Variants in WARS2 observed in about 807,000 individuals in gnomAD.
WARS2 encodes tryptophanyl tRNA synthetase 2, mitochondrial.
WARS2 carries 28 observed loss-of-function variants against 36.5 expected under a neutral mutation model. The ratio of observed to expected loss-of-function variants is 0.77; its 90% CI spans 0.57 to 1.05. The LOEUF (loss-of-function observed/expected upper bound fraction) is 1.05, where lower values mean the gene tolerates loss of function less well. Among genes scored for constraint, WARS2 ranks in the 50% least tolerant of loss-of-function variants. The pLI is 0.00. For synonymous variants in WARS2, 174 were observed against 178.4 expected, an observed-to-expected ratio of 0.98 and a Z score of 0.20; for missense variants, 435 against 456.8, an observed-to-expected ratio of 0.95 and a Z score of 0.44.
At chr1:119,125,137 C>T (rs1001318012) in intron 1 of WARS2, among the ~76,000 whole-genome samples, 3 of 152,202 alleles carry the variant, frequency 2.0e-5, no homozygotes, top group African/African-American at 7.2e-5. Context: ...TGCAGCCATA[C>T]TGGCCTCTAT....
rs1648728608 is a variant in WARS2 at position 119,045,615 on chromosome 1, T to A, written c.396A>T (p.Arg132Ser). 6.3e-7 allele frequency: 1 copy of A among 1,595,536 alleles called. No homozygotes were observed. The change falls in exon 3 of 6, where the codon AGA becomes AGT. Residue 132 changes from arginine (R) to serine (S), a missense_variant. By Grantham distance (110) the Arg-to-Ser change is moderately radical (BLOSUM62 -1). Transcript: ENST00000235521. ...QLSWILSCMV[R>S]LPRLQHLHQW... is the part of the protein sequence containing the mutation. ...GATGTAAATGTTGTAATCGAGGTAGTCTGACCATGCAGGAAAGGATCCAAC... is the reference window on the plus strand; with the variant it reads ...GATGTAAATGTTGTAATCGAGGTAGACTGACCATGCAGGAAAGGATCCAAC...
intron 2 of WARS2, among the ~76,000 whole-genome samples, chr1:119,075,376 A>C (rs1312908784): frequency 6.6e-6 from 1 of 152,152 alleles, no homozygotes; most frequent in Non-Finnish European, 1.5e-5. Context: ...TATATAAGGA[A>C]CTTGAGCATC....
intron 4 of WARS2, among the ~76,000 whole-genome samples, chr1:119,036,047 A>G (rs1048215688): frequency 2.0e-5 from 3 of 152,098 alleles, no homozygotes; most frequent in Non-Finnish European, 4.4e-5. Flanking sequence ...CCTGTTAAAA[A>G]TACATAATTA....
intron 1 of WARS2, among the ~76,000 whole-genome samples, chr1:119,093,056 C>A (rs1237849180): frequency 6.6e-6 from 1 of 152,032 alleles, no homozygotes; most frequent in Non-Finnish European, 1.5e-5. Flanking sequence ...AAATCCAAAC[C>A]CTTAATTTAG....
At chr1:119,121,838 A>G (rs1254110727) in intron 1 of WARS2, among the ~76,000 whole-genome samples, 1 of 152,206 alleles carries the variant, frequency 6.6e-6, no homozygotes, top group Non-Finnish European at 1.5e-5. Flanking sequence ...TTGGCAAGCC[A>G]CATATAGAAT....
chr1:119,140,523 A>G, intron 1 of WARS2, 32 bp downstream of exon 1: 1 of 1,602,344 alleles, frequency 6.2e-7, no homozygotes, highest in South Asian at 1.1e-5. Flanking sequence ...GCGGGATGGG[A>G]AGCCGCGGAG....
At chr1:119,082,294 A>T (rs1007571484) in intron 1 of WARS2, 1 of 985,290 alleles carries the variant, frequency 1.0e-6, no homozygotes, top group African/African-American at 1.7e-5. Context: ...CCATTTTCAA[A>T]TTTCAAGAGT....
rs563341344 is a variant in WARS2, at chr1:119,032,940, C to T, written c.1054G>A (p.Glu352Lys). Reference sequence around the variant, plus strand: ...AGAAAACCCACCAATTTCTTCACCTCCTGGCACACAGTGTATGCTAATTCT... The same window carrying T: ...AGAAAACCCACCAATTTCTTCACCTTCTGGCACACAGTGTATGCTAATTCT... ...AKELAYTVCQ[E>K]VKKLVGFL The change falls in exon 6 of 6, where the codon GAG becomes AAG. Residue 352 changes from glutamate (E) to lysine (K), a missense_variant. By Grantham distance (56) the Glu-to-Lys change is moderately conservative. Transcript: ENST00000235521. 1.0e-4 allele frequency: 165 copies of T among 1,613,726 alleles called. No individual in the cohort carries two copies. Among genetic ancestry groups the T allele is most frequent in the Admixed American group, 1.8e-4 (11 of 60,008 alleles).
At chr1:119,079,900 C>CTTT (rs1652059742) in intron 1 of WARS2, among the ~76,000 whole-genome samples, 1 of 152,098 alleles carries the variant, frequency 6.6e-6, no homozygotes, top group South Asian at 2.1e-4. Context: ...ACATAAAAGG[C>CTTT]TTTCAAGTGA....
intron 1 of WARS2, among the ~76,000 whole-genome samples, chr1:119,108,748 G>T: frequency 6.6e-6 from 1 of 151,702 alleles, no homozygotes. Flanking sequence ...ATTTTCACTT[G>T]CTTATTTTCA....
intron 1 of WARS2, among the ~76,000 whole-genome samples, chr1:119,078,063 C>T (rs587717908): frequency 2.0e-5 from 3 of 152,232 alleles, no homozygotes; most frequent in Non-Finnish European, 4.4e-5. Context: ...AGATGAGAGA[C>T]GTGAGGCTCA....
intron 2 of WARS2, among the ~76,000 whole-genome samples, chr1:119,057,294 C>G (rs933766703): frequency 4.0e-5 from 6 of 151,830 alleles, no homozygotes; most frequent in Admixed American, 3.9e-4. Context: ...TACAAGTGCA[C>G]ACCACCAAGC....
intron 2 of WARS2, among the ~76,000 whole-genome samples, chr1:119,070,074 T>C (rs538515479): frequency 1.3e-5 from 2 of 152,322 alleles, no homozygotes; most frequent in Non-Finnish European, 2.9e-5. Context: ...AAAAGTTCTA[T>C]ATGCTGAGTA....
intron 1 of WARS2, among the ~76,000 whole-genome samples, chr1:119,107,395 C>T (rs183170516): frequency 2.6e-5 from 4 of 152,102 alleles, no homozygotes; most frequent in South Asian, 2.1e-4. Flanking sequence ...CTGTCTCCTA[C>T]GTGGTTTATA....
chr1:119,135,874 G>A (rs1263274363), intron 1 of WARS2, among the ~76,000 whole-genome samples: 5 of 151,894 alleles, frequency 3.3e-5, no homozygotes, highest in African/African-American at 1.2e-4. Context: ...GGGCTCAGGT[G>A]ATTCTCCTAC....
chr1:119,084,586 A>G (rs1194749427), intron 1 of WARS2, among the ~76,000 whole-genome samples: 1 of 152,186 alleles, frequency 6.6e-6, no homozygotes, highest in Non-Finnish European at 1.5e-5. Context: ...GAGCTGGTTG[A>G]TCTTAAAAAT....
rs573825703 is a variant in WARS2 at position 119,060,909 on chromosome 1, T to C, written c.349-15247A>G. 1.1e-4 allele frequency among the ~76,000 whole-genome samples: 16 copies of C among 152,312 alleles called. No individual in the cohort carries two copies. The East Asian group carries it at 2.7e-3, about 26-fold the overall frequency. Reference sequence around the variant, plus strand: ...CAGAGTGGTATAGCCTTATATTCTATGTATTAACTCTACCCAAGTATCTGG... The same window carrying C: ...CAGAGTGGTATAGCCTTATATTCTACGTATTAACTCTACCCAAGTATCTGG... On this transcript the variant is annotated intron_variant, in intron 2 of 5. Coordinates refer to ENST00000235521, the MANE Select transcript of WARS2 (RefSeq NM_015836.4).
At chr1:119,104,726 C>G (rs1449141824) in intron 1 of WARS2, among the ~76,000 whole-genome samples, 1 of 149,180 alleles carries the variant, frequency 6.7e-6, no homozygotes, top group African/African-American at 2.5e-5. Flanking sequence ...TGAACTTTTA[C>G]CTAAATAATA....
chr1:119,060,757 T>G (rs1400291344), intron 2 of WARS2, among the ~76,000 whole-genome samples: 1 of 152,196 alleles, frequency 6.6e-6, no homozygotes, highest in Non-Finnish European at 1.5e-5. Context: ...CAGTCCTCAG[T>G]TGCAGACATA....
Sources: allele counts gnomAD v4.1 joint callset (sites outside exome capture counted in the v4.1 genomes callset), GRCh38; gene constraint gnomAD v4.1.1; transcripts MANE v1.5; gene names NCBI Gene and HGNC (gene_info 2026-07-23, HGNC 2026-07-21).